PLXNA4: variants seen among roughly 807,000 people sequenced by gnomAD.
The protein encoded by PLXNA4 is plexin-A4.
Under a neutral mutation model 191.8 loss-of-function variants are expected in PLXNA4, and 44 were observed. The ratio of observed to expected loss-of-function variants is 0.23; its 90% confidence interval spans 0.18 to 0.29. The LOEUF (loss-of-function observed/expected upper bound fraction) is 0.29, where lower values mean the gene tolerates loss of function less well. PLXNA4 is among the 10% of genes least tolerant of loss of function. The pLI is 1.00. For synonymous variants in PLXNA4, 1,082 were observed against 1,009.5 expected (o/e 1.07, Z -1.36); for missense variants, 1,800 against 2,488.8 (o/e 0.72, Z 5.89).
At chr7:132,248,054 G>T (rs2117065948) in intron 4 of PLXNA4, among the ~76,000 whole-genome samples, 1 of 152,300 alleles carries the variant, frequency 6.6e-6, no homozygotes. Context: ...TCTTGGCTTT[G>T]GGCATGGCCT....
rs376406093 is a variant in PLXNA4, at chr7:132,168,594, G to A, written c.4018-22C>T. The A allele has an allele frequency of 3.3e-5, 51 of 1,546,360 alleles. No individual in the cohort carries two copies. In the African/African-American group the frequency reaches 5.2e-4, roughly 16 times the overall value. On this transcript the variant is annotated intron_variant, in intron 21 of 31. Coordinates refer to ENST00000321063, the MANE Select transcript of PLXNA4 (RefSeq NM_020911.2). ...GGACCTGCAGAGAGACCTAGGAGTC[G>A]TGATGCCATTGGCAGGTTGGGGAGC...
intron 2 of PLXNA4, among the ~76,000 whole-genome samples, chr7:132,584,775 C>G (rs1014379745): frequency 6.6e-6 from 1 of 152,072 alleles, no homozygotes; most frequent in Non-Finnish European, 1.5e-5. Context: ...ATTCTTTTTT[C>G]TTTTTGACGT....
chr7:132,147,936 T>G lies in PLXNA4; in HGVS notation c.4828A>C (p.Asn1610His). Residue 1610 changes from asparagine (N) to histidine (H), a missense_variant, in exon 27 of 32, where the codon AAC (asparagine) becomes CAC (histidine). Transcript: ENST00000321063. ...KQVTAYNAVN[N>H]STVSRTSASK... ...GCTGAGGTCCTGGAGACGGTGGAGT[T>G]GTTCACTGCGTTATAGGCTGTCACC... 1 of 1,614,136 alleles carries G rather than the reference T, an allele frequency of 6.2e-7. No individual in the cohort carries two copies. Among genetic ancestry groups the G allele is most frequent in the Non-Finnish European group, 8.5e-7 (1 of 1,180,032 alleles).
chr7:132,462,597 T>TA (rs989506536), intron 3 of PLXNA4, among the ~76,000 whole-genome samples: 52 of 151,284 alleles, frequency 3.4e-4, no homozygotes, highest in East Asian at 5.8e-4. Context: ...TTCTTTTATT[T>TA]AAAAAAAAAT....
intron 3 of PLXNA4, among the ~76,000 whole-genome samples, chr7:132,409,720 T>C (rs1794372901): frequency 6.6e-6 from 1 of 152,230 alleles, no homozygotes; most frequent in African/African-American, 2.4e-5. Flanking sequence ...GACTTGTTTC[T>C]AGACCTGATA....
chr7:132,538,019 T>C (rs925007923), intron 1 of PLXNA4, among the ~76,000 whole-genome samples: 2 of 152,196 alleles, frequency 1.3e-5, no homozygotes, highest in Admixed American at 6.5e-5. Context: ...ACCCCAAACC[T>C]GCTCACATTT....
chr7:132,226,064 T>C (rs1300070410), intron 8 of PLXNA4, 97 bp downstream of exon 8: 5 of 1,186,548 alleles, frequency 4.2e-6, no homozygotes, highest in African/African-American at 1.5e-5. Context: ...CTGGGGCTTC[T>C]AAATGGTGAC....
At chr7:132,625,688 G>T (rs1803356758) in intron 2 of PLXNA4, among the ~76,000 whole-genome samples, 1 of 152,148 alleles carries the variant, frequency 6.6e-6, no homozygotes, top group South Asian at 2.1e-4. Flanking sequence ...GGATGTAAAG[G>T]AGTAAAATAA....
chr7:132,149,731 A>G (rs1055895874), intron 25 of PLXNA4, among the ~76,000 whole-genome samples: 1 of 152,142 alleles, frequency 6.6e-6, no homozygotes, highest in Non-Finnish European at 1.5e-5. Context: ...GAGTGTCGTT[A>G]GTTGCTGGAT....
At chr7:132,629,647 A>G (rs894165330) in intron 2 of PLXNA4, among the ~76,000 whole-genome samples, 1 of 152,214 alleles carries the variant, frequency 6.6e-6, no homozygotes, top group African/African-American at 2.4e-5. Flanking sequence ...TTGGGCTGCC[A>G]TAACAAAATA....
chr7:132,554,632 G>T (rs1800709884), intron 1 of PLXNA4, among the ~76,000 whole-genome samples: 2 of 152,194 alleles, frequency 1.3e-5, no homozygotes, highest in African/African-American at 2.4e-5. Context: ...CTGAACCAGG[G>T]TGCCTCAGGG....
At position 132,573,456 on chromosome 7, in the gene PLXNA4, A is replaced by G. The variant is rs76461020; in HGVS notation, c.-87+2966T>C. 2.3e-3 allele frequency among the ~76,000 whole-genome samples: 352 copies of G among 152,248 alleles called. 3 individuals are homozygous for G. The highest frequency in any genetic ancestry group is 8.2e-3 in the African/African-American group (339 of 41,548). ...CAAAGCCTGATGATAACTATGAATCAAGAGTGGTTAATGACCCAGCCCCTT... is the reference window on the plus strand; with the variant it reads ...CAAAGCCTGATGATAACTATGAATCGAGAGTGGTTAATGACCCAGCCCCTT... On this transcript the variant is annotated intron_variant, in intron 1 of 31. Transcript: ENST00000321063.
At chr7:132,366,509 G>A (rs954935272) in intron 3 of PLXNA4, among the ~76,000 whole-genome samples, 3 of 152,032 alleles carry the variant, frequency 2.0e-5, no homozygotes, top group African/African-American at 7.2e-5. Context: ...GGGCAACAGA[G>A]CAAGATTCTG....
At chr7:132,227,769 G>A (rs1798378570) in intron 6 of PLXNA4, among the ~76,000 whole-genome samples, 165 bp from the exon 7 acceptor site, 1 of 152,194 alleles carries the variant, frequency 6.6e-6, no homozygotes, top group Admixed American at 6.5e-5. Flanking sequence ...TTAGGAGAGT[G>A]GCACAGAGGC....
At chr7:132,575,290 AT>A (rs1201975093) in intron 1 of PLXNA4, among the ~76,000 whole-genome samples, 5 of 152,280 alleles carry the variant, frequency 3.3e-5, no homozygotes, top group Non-Finnish European at 5.9e-5. Flanking sequence ...AAGAATGAAA[AT>A]GCTTTCGGGA....
chr7:132,637,010 T>C (rs1167022397), intron 2 of PLXNA4, among the ~76,000 whole-genome samples: 1 of 152,154 alleles, frequency 6.6e-6, no homozygotes. Flanking sequence ...CTTGATATTG[T>C]TTGACGCTGA....
At position 132,614,500 on chromosome 7, in the gene PLXNA4, G is replaced by A. The variant is rs143542533; in HGVS notation, c.-87+31428C>T. Among the ~76,000 whole-genome samples, 836 of 152,352 alleles carry A rather than the reference G, an allele frequency of 5.5e-3. 7 individuals carry two copies. The highest frequency in any genetic ancestry group is 0.041 in the Middle Eastern group (12 of 294). On this transcript the variant is annotated intron_variant, in intron 2 of 4. Coordinates refer to the PLXNA4 transcript ENST00000378539. ...ATTTAATATTGTTTTCAGCACGTAA[G>A]TTGATGGAAATAAAGCTCAAAGGTG... is the stretch of plus-strand genomic sequence containing the variant.
intron 3 of PLXNA4, among the ~76,000 whole-genome samples, chr7:132,332,804 G>A (rs60690987): frequency 0.02 from 2,975 of 151,264 alleles, 99 homozygotes; most frequent in African/African-American, 0.069. Flanking sequence ...AGGCTGCAGT[G>A]AGCTGTGATC....
chr7:132,268,080 C>T (rs1174873824), intron 4 of PLXNA4, among the ~76,000 whole-genome samples: 6 of 152,100 alleles, frequency 3.9e-5, no homozygotes, highest in Non-Finnish European at 8.8e-5. Flanking sequence ...AAGCAAGTGC[C>T]ATTAGTGATC....
Sources: gnomAD v4.1 joint callset for allele counts (sites outside exome capture counted in the v4.1 genomes callset) on GRCh38, gnomAD v4.1.1 for gene constraint, MANE v1.5 for transcripts, NCBI Gene and HGNC (gene_info 2026-07-23, HGNC 2026-07-21) for gene names.